Variants in NRG1 observed in about 807,000 individuals in gnomAD.
NRG1 encodes the protein pro-neuregulin-1, membrane-bound isoform.
In NRG1, 18 loss-of-function variants were observed where a neutral mutation model predicts 63.8. The ratio of observed to expected loss-of-function variants is 0.28; its 90% CI spans 0.19 to 0.42. NRG1 has a LOEUF of 0.42. Ranked by LOEUF, NRG1 falls within the 10% of genes least tolerant of loss-of-function variation. The probability of loss-of-function intolerance (pLI) is 1.00; values close to 1 mark genes in which losing one functional copy is unlikely to be tolerated. For missense variants in NRG1, 762 were observed against 814.7 expected (o/e 0.94, Z 0.79); for synonymous variants, 302 against 301.3 (o/e 1.00, Z -0.02).
At chr8:32,186,759 A>G (rs1215094685) in intron 1 of NRG1, among the ~76,000 whole-genome samples, 1 of 152,174 alleles carries the variant, frequency 6.6e-6, no homozygotes, top group Non-Finnish European at 1.5e-5. Flanking sequence ...GCACAGCTGG[A>G]AACTGTCTGA....
intron 1 of NRG1, among the ~76,000 whole-genome samples, chr8:32,312,779 T>TTCTTC (rs1397891922): frequency 3.6e-5 from 4 of 111,774 alleles, no homozygotes; most frequent in African/African-American, 1.1e-4. Context: ...CCTCCCTCTC[T>TTCTTC]CCTTCCCTTC....
chr8:32,752,173 C>G (rs1828859650), intron 7 of NRG1, among the ~76,000 whole-genome samples: 1 of 152,194 alleles, frequency 6.6e-6, no homozygotes. Context: ...GAGCTGTGCT[C>G]TGCATCCTGG....
intron 1 of NRG1, among the ~76,000 whole-genome samples, chr8:31,937,449 G>C (rs1304535626): frequency 6.6e-6 from 1 of 152,060 alleles, no homozygotes; most frequent in Non-Finnish European, 1.5e-5. Context: ...AAATCTCAGA[G>C]GTAAAGGTAA....
At chr8:31,794,234 TC>T (rs1047884582) in intron 1 of NRG1, among the ~76,000 whole-genome samples, 1 of 152,100 alleles carries the variant, frequency 6.6e-6, no homozygotes, top group Non-Finnish European at 1.5e-5. Flanking sequence ...CAGCAGCTCC[TC>T]CTTCTTTCTC....
intron 1 of NRG1, among the ~76,000 whole-genome samples, chr8:31,749,065 C>T (rs1378558738): frequency 6.6e-6 from 1 of 151,824 alleles, no homozygotes; most frequent in Non-Finnish European, 1.5e-5. Flanking sequence ...CAATACAATG[C>T]AGCATTATGC....
chr8:32,172,276 G>A (rs1265046164), intron 1 of NRG1, among the ~76,000 whole-genome samples: 1 of 152,236 alleles, frequency 6.6e-6, no homozygotes, highest in East Asian at 1.9e-4. Flanking sequence ...CAGACCTGCA[G>A]CTGTGGGTCC....
chr8:32,747,028 A>G (rs1827574742), intron 7 of NRG1, among the ~76,000 whole-genome samples: 1 of 151,908 alleles, frequency 6.6e-6, no homozygotes, highest in South Asian at 2.1e-4. Flanking sequence ...AGTTTTAAGT[A>G]CCAATTTCCC....
intron 1 of NRG1, among the ~76,000 whole-genome samples, chr8:31,830,004 T>C (rs1003596046): frequency 6.6e-6 from 1 of 152,250 alleles, no homozygotes; most frequent in Non-Finnish European, 1.5e-5. Flanking sequence ...ACTCCAAATC[T>C]GATCCATCTA....
At chr8:31,686,950 G>A (rs2131097951) in intron 1 of NRG1, among the ~76,000 whole-genome samples, 1 of 152,100 alleles carries the variant, frequency 6.6e-6, no homozygotes, top group East Asian at 1.9e-4. Flanking sequence ...TGTATTTTTA[G>A]TAGAGATAGG....
chr8:32,439,108 A>C (rs1249350964), intron 1 of NRG1, among the ~76,000 whole-genome samples: 2 of 152,222 alleles, frequency 1.3e-5, no homozygotes, highest in African/African-American at 4.8e-5. Flanking sequence ...CTTGTCCTAG[A>C]TAATGTAAAA....
chr8:32,261,390 C>T (rs1432750041), intron 1 of NRG1, among the ~76,000 whole-genome samples: 1 of 113,058 alleles, frequency 8.8e-6, no homozygotes, highest in African/African-American at 2.9e-5. Context: ...TGTGTGTGTG[C>T]TGGTGTGTGT....
chr8:32,268,654 T>G lies in NRG1; in HGVS notation c.38-327174T>G, dbSNP rs1851241534. ...GACACAGGGGGTTGTTTATACAGGG[T>G]TTTTAGAAAACAAAAACATTGTCTC... On this transcript the variant is annotated intron_variant, in intron 1 of 10. Transcript: ENST00000519301. Among the ~76,000 whole-genome samples, 3 of 152,102 alleles carry G rather than the reference T, an allele frequency of 2.0e-5. No individual in the cohort carries two copies. In the South Asian group the frequency reaches 6.2e-4, roughly 32 times the overall value.
At chr8:32,753,741 C>G (rs1829164931) in intron 7 of NRG1, among the ~76,000 whole-genome samples, 1 of 152,126 alleles carries the variant, frequency 6.6e-6, no homozygotes, top group African/African-American at 2.4e-5. Flanking sequence ...TCACAGAGAG[C>G]CTGACTCAAT....
chr8:31,648,521 CT>C (rs1358528404), intron 1 of NRG1, among the ~76,000 whole-genome samples: 2 of 152,148 alleles, frequency 1.3e-5, no homozygotes, highest in Non-Finnish European at 2.9e-5. Context: ...TACTCTTGAC[CT>C]TGTAAAACCA....
intron 1 of NRG1, among the ~76,000 whole-genome samples, chr8:32,357,124 G>A (rs1195996859): frequency 6.6e-6 from 1 of 152,120 alleles, no homozygotes; most frequent in African/African-American, 2.4e-5. Context: ...TGAGGTTGAG[G>A]TTGATGGTGT....
chr8:32,042,452 A>T (rs1323397904), intron 1 of NRG1, among the ~76,000 whole-genome samples: 1 of 152,064 alleles, frequency 6.6e-6, no homozygotes, highest in Non-Finnish European at 1.5e-5. Flanking sequence ...AAATTAAAAA[A>T]AACAAAAAAC....
At chr8:31,773,546 T>C (rs1427094540) in intron 1 of NRG1, among the ~76,000 whole-genome samples, 2 of 152,226 alleles carry the variant, frequency 1.3e-5, no homozygotes, top group Non-Finnish European at 2.9e-5. Context: ...CTGCATTGAC[T>C]CTTGCTCCTC....
At chr8:32,270,384 T>C (rs1324452146) in intron 1 of NRG1, among the ~76,000 whole-genome samples, 1 of 152,206 alleles carries the variant, frequency 6.6e-6, no homozygotes, top group Non-Finnish European at 1.5e-5. Flanking sequence ...AGATTCCTGT[T>C]TATGTATTTA....
chr8:32,431,181 T>C (rs1288644894), intron 1 of NRG1, among the ~76,000 whole-genome samples: 1 of 152,228 alleles, frequency 6.6e-6, no homozygotes, highest in Non-Finnish European at 1.5e-5. Context: ...TTTCTGATTC[T>C]AGAGCGTATG....
Sources: gnomAD v4.1 joint callset for allele counts (sites outside exome capture counted in the v4.1 genomes callset) on GRCh38, gnomAD v4.1.1 for gene constraint, MANE v1.5 for transcripts, NCBI Gene and HGNC (gene_info 2026-07-23, HGNC 2026-07-21) for gene names.